Variants in TEAD1 observed in about 807,000 individuals in gnomAD.
The protein encoded by TEAD1 is TEA domain transcription factor 1.
TEAD1 carries 9 observed loss-of-function variants against 54.9 expected under a neutral mutation model. The ratio of observed to expected loss-of-function variants is 0.16; its 90% CI spans 0.10 to 0.29. The LOEUF is 0.29. TEAD1 is among the 10% of genes least tolerant of loss of function. TEAD1 has a pLI of 1.00. For missense variants in TEAD1, 387 were observed against 535.9 expected, an observed-to-expected ratio of 0.72 and a Z score of 2.74; for synonymous variants, 200 against 187.8, an observed-to-expected ratio of 1.07 and a Z score of -0.53.
chr11:12,904,585 C>T (rs1948485254), intron 10 of TEAD1, among the ~76,000 whole-genome samples: 1 of 152,134 alleles, frequency 6.6e-6, no homozygotes, highest in African/African-American at 2.4e-5. Context: ...CCACTGTTAT[C>T]TGAGGAGTCT....
chr11:12,754,702 A>C (rs193294097), intron 2 of TEAD1, among the ~76,000 whole-genome samples: 28 of 152,306 alleles, frequency 1.8e-4, no homozygotes, highest in Non-Finnish European at 2.1e-4. Flanking sequence ...ACTGAATGTC[A>C]GGAGCTGTGG....
chr11:12,760,196 AC>A (rs1219090165), intron 2 of TEAD1, among the ~76,000 whole-genome samples: 1 of 152,224 alleles, frequency 6.6e-6, no homozygotes, highest in Non-Finnish European at 1.5e-5. Context: ...ACATAAATGA[AC>A]ATCTGTTCAT....
At chr11:12,844,959 CTTTTTTTTTTTTTT>C (rs3046338) in intron 3 of TEAD1, among the ~76,000 whole-genome samples, 2 of 64,670 alleles carry the variant, frequency 3.1e-5, no homozygotes, top group African/African-American at 6.4e-5. Context: ...TGTATGAAAT[CTTTTTTTTTTTTTT>C]TTTTTTTTTT....
intron 3 of TEAD1, chr11:12,823,809 T>A (rs1438156610): frequency 1.3e-5 from 2 of 152,098 alleles, no homozygotes; most frequent in East Asian, 3.9e-4. Context: ...AACTATTATG[T>A]CCCAGGCACA....
chr11:12,814,197 G>A (rs1217686177), intron 3 of TEAD1, among the ~76,000 whole-genome samples: 3 of 152,174 alleles, frequency 2.0e-5, no homozygotes, highest in Non-Finnish European at 4.4e-5. Context: ...GAAGGAGGAT[G>A]TCTGACCGAG....
At chr11:12,684,466 C>T (rs1564906063) in intron 2 of TEAD1, among the ~76,000 whole-genome samples, 2 of 152,320 alleles carry the variant, frequency 1.3e-5, no homozygotes, top group African/African-American at 2.4e-5. Flanking sequence ...TGCTTAGGGT[C>T]TTCGGCCTTC....
chr11:12,822,180 G>A (rs975410857), intron 3 of TEAD1, among the ~76,000 whole-genome samples: 2 of 151,864 alleles, frequency 1.3e-5, no homozygotes, highest in Middle Eastern at 3.2e-3. Context: ...GGCCAGGATG[G>A]TCTCGATCTC....
intron 3 of TEAD1, among the ~76,000 whole-genome samples, chr11:12,824,904 T>C (rs1013247726): frequency 2.6e-5 from 4 of 152,250 alleles, no homozygotes; most frequent in Admixed American, 6.5e-5. Context: ...TTCTCTCTAC[T>C]TCGAGCATTC....
intron 9 of TEAD1, among the ~76,000 whole-genome samples, chr11:12,886,922 G>A (rs569349083): frequency 6.6e-5 from 10 of 152,204 alleles, no homozygotes; most frequent in African/African-American, 2.4e-4. Context: ...ATGTGCATTA[G>A]ACATTACCAG....
At chr11:12,795,361 G>C (rs1417802935) in intron 3 of TEAD1, among the ~76,000 whole-genome samples, 1 of 152,182 alleles carries the variant, frequency 6.6e-6, no homozygotes, top group Non-Finnish European at 1.5e-5. Flanking sequence ...CACCATCTCT[G>C]AATAAGGTCA....
intron 3 of TEAD1, among the ~76,000 whole-genome samples, chr11:12,810,031 A>G (rs1285461000): frequency 1.6e-5 from 2 of 126,910 alleles, no homozygotes; most frequent in Admixed American, 9.7e-5. Context: ...TCCAGGCTGT[A>G]GTGCAGTTGT....
At chr11:12,780,832 G>T (rs1351449313) in intron 3 of TEAD1, among the ~76,000 whole-genome samples, 1 of 152,148 alleles carries the variant, frequency 6.6e-6, no homozygotes, top group East Asian at 1.9e-4. Flanking sequence ...AGGATCCCAT[G>T]ACTTCTTTGA....
At chr11:12,901,855 A>G in intron 9 of TEAD1, 85 bp from the exon 10 acceptor site, 9 of 1,553,998 alleles carry the variant, frequency 5.8e-6, no homozygotes, top group Non-Finnish European at 8.0e-6. Context: ...TTTTGGTACT[A>G]CTGCTCTTTA....
chr11:12,804,564 G>C (rs942194414), intron 3 of TEAD1, among the ~76,000 whole-genome samples: 3 of 152,204 alleles, frequency 2.0e-5, no homozygotes, highest in Non-Finnish European at 4.4e-5. Context: ...TGTTGTAATG[G>C]GAGATCAGTA....
At chr11:12,915,201 G>A (rs1362294575) in intron 10 of TEAD1, among the ~76,000 whole-genome samples, 1 of 152,136 alleles carries the variant, frequency 6.6e-6, no homozygotes, top group Admixed American at 6.5e-5. Flanking sequence ...GAGGTTATCT[G>A]CTTGCCTTTG....
chr11:12,840,667 CGA>C (rs1337076343), intron 3 of TEAD1, among the ~76,000 whole-genome samples: 9 of 152,074 alleles, frequency 5.9e-5, no homozygotes, highest in Admixed American at 5.9e-4. Flanking sequence ...GATCTTCTCT[CGA>C]GGCTGAAGGG....
intron 2 of TEAD1, among the ~76,000 whole-genome samples, chr11:12,760,641 A>G (rs1590123380): frequency 6.6e-6 from 1 of 152,212 alleles, no homozygotes; most frequent in African/African-American, 2.4e-5. Flanking sequence ...AATATTGATT[A>G]TAATCAAGTG....
At chr11:12,838,386 G>A (rs1054223108) in intron 3 of TEAD1, among the ~76,000 whole-genome samples, 3 of 152,112 alleles carry the variant, frequency 2.0e-5, no homozygotes, top group Non-Finnish European at 4.4e-5. Flanking sequence ...TTTACTTTTC[G>A]ATTGTGTAAT....
chr11:12,819,755 A>G (rs1946500145), intron 3 of TEAD1, among the ~76,000 whole-genome samples: 1 of 152,208 alleles, frequency 6.6e-6, no homozygotes, highest in Admixed American at 6.5e-5. Flanking sequence ...CCGGCCGGTA[A>G]CAAAGTCTTA....
Sources: gnomAD v4.1 joint callset for allele counts (sites outside exome capture counted in the v4.1 genomes callset) on GRCh38, gnomAD v4.1.1 for gene constraint, MANE v1.5 for transcripts, NCBI Gene and HGNC (gene_info 2026-07-23, HGNC 2026-07-21) for gene names.